LRP5: variants seen among roughly 807,000 people sequenced by gnomAD.
LRP5 encodes low-density lipoprotein receptor-related protein 5.
A neutral mutation model predicts 154.1 loss-of-function variants in LRP5; 62 were observed. The observed-to-expected ratio is 0.40, with a 90% confidence interval of 0.33 to 0.50. The LOEUF (loss-of-function observed/expected upper bound fraction) is 0.50, where lower values mean the gene tolerates loss of function less well. Among genes scored for constraint, LRP5 ranks in the 20% least tolerant of loss-of-function variants. The pLI is 0.55. For synonymous variants in LRP5, 966 were observed against 1,011.5 expected (o/e 0.96, Z 0.85); for missense variants, 1,915 against 2,336.7 (o/e 0.82, Z 3.72).
chr11:68,376,872 G>A (rs763736028), intron 5 of LRP5, among the ~76,000 whole-genome samples: 1 of 152,186 alleles, frequency 6.6e-6, no homozygotes, highest in Non-Finnish European at 1.5e-5. Flanking sequence ...AAATTCTTCA[G>A]TTTTAGGCAA....
chr11:68,443,575 A>G (rs1457303192), intron 21 of LRP5, among the ~76,000 whole-genome samples: 1 of 41,360 alleles, frequency 2.4e-5, no homozygotes, highest in South Asian at 7.4e-4. Flanking sequence ...ATATATATAT[A>G]TATATATATA....
chr11:68,421,641 G>A (rs561976151), intron 13 of LRP5, among the ~76,000 whole-genome samples: 42 of 151,980 alleles, frequency 2.8e-4, no homozygotes, highest in African/African-American at 8.9e-4. Context: ...ATGATCCTTC[G>A]TGTCCAGATG....
intron 5 of LRP5, among the ~76,000 whole-genome samples, chr11:68,376,485 G>A (rs1357574527): frequency 6.6e-6 from 1 of 152,138 alleles, no homozygotes; most frequent in Non-Finnish European, 1.5e-5. Context: ...TGCCTGGCCG[G>A]CCCTACTTCT....
At chr11:68,439,749 C>T in intron 20 of LRP5, 28 bp from the exon 21 acceptor site, 1 of 1,603,802 alleles carries the variant, frequency 6.2e-7, no homozygotes, top group South Asian at 1.1e-5. Flanking sequence ...TGGAAGCCAC[C>T]TGACCTCCCC....
intron 3 of LRP5, among the ~76,000 whole-genome samples, chr11:68,362,350 C>T (rs906518075): frequency 5.3e-5 from 8 of 152,108 alleles, no homozygotes; most frequent in Admixed American, 3.3e-4. Flanking sequence ...GAGGCTGCAC[C>T]GCCTTGCGAA....
In LRP5 at chr11:68,353,941, G is replaced by T. The variant is rs7102311; in HGVS notation, c.489-3709G>T. On this transcript the variant is annotated intron_variant, in intron 2 of 22. Coordinates refer to ENST00000294304, the MANE Select transcript of LRP5 (RefSeq NM_002335.4). The surrounding 1 kb of genome is among the most constrained non-coding windows in gnomAD (Gnocchi z 4.5). ...AAGGCACATCCCTCCCAGGCCCAGGGTACCCATGTGGGTGGCAGAGCGGGC... is the reference window on the plus strand; with the variant it reads ...AAGGCACATCCCTCCCAGGCCCAGGTTACCCATGTGGGTGGCAGAGCGGGC... 0.047 allele frequency among the ~76,000 whole-genome samples: 7,228 copies of T among 152,266 alleles called. 574 individuals are homozygous for T. The highest frequency in any genetic ancestry group is 0.16 in the African/African-American group (6,697 of 41,528).
chr11:68,304,267 G>T, the LRP5 span, among the ~76,000 whole-genome samples: 2 of 152,268 alleles, frequency 1.3e-5, no homozygotes, highest in African/African-American at 4.8e-5. Flanking sequence ...AAGGGCCATA[G>T]TCACAGCTCA....
intron 11 of LRP5, among the ~76,000 whole-genome samples, chr11:68,411,949 C>T (rs958035812): frequency 6.6e-6 from 1 of 152,134 alleles, no homozygotes; most frequent in African/African-American, 2.4e-5. Flanking sequence ...GCTGGGGAAG[C>T]TGAGGCCTGA....
intron 2 of LRP5, among the ~76,000 whole-genome samples, chr11:68,354,556 A>C (rs1387546690): frequency 6.6e-6 from 1 of 152,224 alleles, no homozygotes; most frequent in African/African-American, 2.4e-5. Flanking sequence ...GGGGACGTGC[A>C]GGTAAAGCAA....
chr11:68,379,831 T>C (rs2098639317), intron 5 of LRP5, among the ~76,000 whole-genome samples: 1 of 151,010 alleles, frequency 6.6e-6, no homozygotes, highest in Admixed American at 6.6e-5. Context: ...TTCTTTCTGA[T>C]ATTATAAAAG....
chr11:68,421,724 G>GTGGT (rs1445142488), intron 13 of LRP5, among the ~76,000 whole-genome samples: 1 of 115,332 alleles, frequency 8.7e-6, no homozygotes, highest in Non-Finnish European at 2.0e-5. Context: ...GTGTGTGTGT[G>GTGGT]GTGTGTGTGT....
At position 68,423,640 on chromosome 11, in the gene LRP5, T is replaced by C; in HGVS notation, c.3179T>C (p.Val1060Ala). The part of the protein sequence containing the change: ...VHRLSGEAMG[V>A]VLRGDRDKPR... ...AGGCTGAGCGGGGAAGCCATGGGGG[T>C]GGTGCTGCGTGGGGACCGCGACAAG... Residue 1060 changes from valine to alanine, a missense_variant, in exon 14 of 23, where the codon GTG becomes GCG. Val to Ala is a moderately conservative substitution (Grantham distance 64). This residue lies in a region of LRP5 where 1,094 missense variants were observed against 1,210.1 expected (regional missense o/e 0.90). Coordinates refer to ENST00000294304, the MANE Select transcript of LRP5 (RefSeq NM_002335.4). The surrounding 1 kb of genome is among the most constrained non-coding windows in gnomAD (Gnocchi z 4.7). 6.2e-7 allele frequency: 1 copy of C among 1,613,748 alleles called. No individual in the cohort carries two copies. Among genetic ancestry groups the C allele is most frequent in the Non-Finnish European group, 8.5e-7 (1 of 1,179,958 alleles).
intron 5 of LRP5, among the ~76,000 whole-genome samples, chr11:68,370,623 G>A (rs1047484424): frequency 1.1e-4 from 17 of 152,202 alleles, no homozygotes; most frequent in African/African-American, 3.9e-4. Flanking sequence ...GCAGCTCCAC[G>A]CTCCCTAGAG....
chr11:68,309,719 G>A (rs925848535), upstream of LRP5, among the ~76,000 whole-genome samples: 3 of 151,498 alleles, frequency 2.0e-5, no homozygotes, highest in African/African-American at 4.9e-5. Flanking sequence ...CAGTTGTAAT[G>A]TGTCCTCTAT....
At chr11:68,401,056 C>T (rs931917704) in intron 7 of LRP5, among the ~76,000 whole-genome samples, 3 of 152,146 alleles carry the variant, frequency 2.0e-5, no homozygotes, top group Admixed American at 1.3e-4. Flanking sequence ...GGAAAGGGTT[C>T]GCCCGCTACT....
At chr11:68,312,459 C>T (rs1368392889), upstream of LRP5, 2 of 147,382 alleles carry the variant, frequency 1.4e-5, no homozygotes, top group Non-Finnish European at 3.0e-5. Context: ...CCGCTGGGGC[C>T]GCCTGGCCGC....
chr11:68,409,922 C>T lies in LRP5; in HGVS notation c.2100C>T (p.Ser700=), dbSNP rs1267195279. ...TCCTCACCTGCTGCCAGACCATCAG[C>T]CGCGCCTTCATGAACGGGAGCTCGG... is the stretch of plus-strand genomic sequence containing the variant. ...YWTDVSLKTI[S]RAFMNGSSVE... Residue 700 remains serine, a synonymous_variant, in exon 10 of 23, where the codon AGC becomes AGT. Coordinates refer to ENST00000294304, the MANE Select transcript of LRP5 (RefSeq NM_002335.4). 1.2e-6 allele frequency: 2 copies of T among 1,613,478 alleles called. No homozygotes were observed. The highest frequency in any genetic ancestry group is 2.2e-5 in the South Asian group (2 of 91,064).
At chr11:68,368,084 T>C (rs75857950) in intron 5 of LRP5, among the ~76,000 whole-genome samples, 1 of 131,454 alleles carries the variant, frequency 7.6e-6, no homozygotes, top group African/African-American at 2.9e-5. Flanking sequence ...AAAAAAAAAA[T>C]GCAGCTCGTC....
intron 1 of LRP5, among the ~76,000 whole-genome samples, chr11:68,344,616 G>A (rs1216993001): frequency 3.3e-5 from 5 of 152,038 alleles, no homozygotes; most frequent in Admixed American, 6.6e-5. Context: ...CACCGTGCCC[G>A]GCCCAGAACT....
Sources: allele counts gnomAD v4.1 joint callset (sites outside exome capture counted in the v4.1 genomes callset), GRCh38; gene constraint gnomAD v4.1.1; regional missense constraint gnomAD v4.1.1; non-coding constraint Gnocchi (gnomAD v3.1); transcripts MANE v1.5; gene names NCBI Gene and HGNC (gene_info 2026-07-23, HGNC 2026-07-21).